Variants in CDH6 observed in about 807,000 individuals in gnomAD.
The protein encoded by CDH6 is cadherin 6, also known as cadherin-6.
In CDH6, 31 loss-of-function variants were observed where a neutral mutation model predicts 78.0. That is an observed-to-expected ratio of 0.40 (90% CI 0.30 to 0.54). The LOEUF is 0.54. Ranked by LOEUF, CDH6 falls within the 20% of genes least tolerant of loss-of-function variation. CDH6 has a pLI of 0.56. For missense variants in CDH6, 724 were observed against 975.9 expected, an observed-to-expected ratio of 0.74 and a Z score of 3.44; for synonymous variants, 376 against 368.8, an observed-to-expected ratio of 1.02 and a Z score of -0.23.
At chr5:31,305,561 T>G (rs1737968892) in intron 7 of CDH6, 134 bp downstream of exon 7, 1 of 868,528 alleles carries the variant, frequency 1.2e-6, no homozygotes, top group African/African-American at 1.7e-5. Flanking sequence ...AAAACTATTC[T>G]AAACAGCACC....
intron 1 of CDH6, among the ~76,000 whole-genome samples, chr5:31,207,609 C>T (rs1046330891): frequency 6.6e-6 from 1 of 152,188 alleles, no homozygotes; most frequent in Admixed American, 6.5e-5. Context: ...AAAACAAAGC[C>T]ACTGAGTCTT....
chr5:31,283,790 G>GA (rs1742931271), intron 2 of CDH6, among the ~76,000 whole-genome samples: 2 of 151,662 alleles, frequency 1.3e-5, no homozygotes, highest in South Asian at 4.2e-4. Flanking sequence ...GGTTTTGTCA[G>GA]AAAAATAGAT....
chr5:31,224,291 G>A (rs1284478833), intron 1 of CDH6, among the ~76,000 whole-genome samples: 1 of 152,078 alleles, frequency 6.6e-6, no homozygotes, highest in Non-Finnish European at 1.5e-5. Flanking sequence ...CGTGAGAAGA[G>A]CACAAGAAAT....
chr5:31,247,318 G>A (rs1250199903), intron 1 of CDH6, among the ~76,000 whole-genome samples: 1 of 152,164 alleles, frequency 6.6e-6, no homozygotes, highest in Non-Finnish European at 1.5e-5. Context: ...TCAGTTTAGA[G>A]GAGAAGAAGC....
intron 1 of CDH6, among the ~76,000 whole-genome samples, chr5:31,220,338 T>C (rs990099218): frequency 6.6e-6 from 1 of 152,222 alleles, no homozygotes; most frequent in African/African-American, 2.4e-5. Context: ...CTAAATCCAC[T>C]TAAAAGTGTT....
intron 1 of CDH6, among the ~76,000 whole-genome samples, chr5:31,216,128 T>C (rs1162520860): frequency 6.7e-6 from 1 of 148,976 alleles, no homozygotes; most frequent in Non-Finnish European, 1.5e-5. Context: ...GAACTTAAAA[T>C]ACATCTGACT....
chr5:31,199,423 TACACACATATGTGTATATATACAC>T (rs1740261560), intron 1 of CDH6, among the ~76,000 whole-genome samples: 1 of 127,598 alleles, frequency 7.8e-6, no homozygotes, highest in Non-Finnish European at 1.7e-5. Context: ...TGTATATATG[TACACACATATGTGTATATATACAC>T]ACACATATGT....
chr5:31,298,925 A>G (rs1737679795), intron 4 of CDH6, among the ~76,000 whole-genome samples: 1 of 152,144 alleles, frequency 6.6e-6, no homozygotes, highest in African/African-American at 2.4e-5. Flanking sequence ...TTTTCTAAAG[A>G]CCATAGTTTT....
intron 1 of CDH6, among the ~76,000 whole-genome samples, chr5:31,256,820 G>A (rs1742068442): frequency 6.6e-6 from 1 of 152,094 alleles, no homozygotes; most frequent in Non-Finnish European, 1.5e-5. Context: ...TAAACTGGCC[G>A]CCTCTGTGTT....
chr5:31,302,908 A>AAAG lies in CDH6; in HGVS notation c.999+613_999+615dup, dbSNP rs1737844413. ...GAAGGAAAGAAAGAAAGAAAAAAAG[A>AAAG]AAGAAAGAAAGAAAGAAAGAAAGAA... On this transcript the variant is annotated intron_variant, in intron 6 of 11. Transcript: ENST00000265071. Among the ~76,000 whole-genome samples, 5 of 91,634 alleles carry AAAG rather than the reference A, an allele frequency of 5.5e-5. 1 individual carries two copies. The East Asian group carries it at 1.9e-3, about 35-fold the overall frequency. The allele number at this position is 91,634 out of a possible 152,430, so 60.1% of individuals were successfully genotyped here.
At chr5:31,195,768 T>C (rs1304152608) in intron 1 of CDH6, among the ~76,000 whole-genome samples, 3 of 152,204 alleles carry the variant, frequency 2.0e-5, no homozygotes, top group Non-Finnish European at 2.9e-5. Flanking sequence ...CCTTTTGCTC[T>C]TTGATGTGTT....
chr5:31,212,907 C>G (rs1740755492), intron 1 of CDH6, among the ~76,000 whole-genome samples: 1 of 152,156 alleles, frequency 6.6e-6, no homozygotes, highest in Non-Finnish European at 1.5e-5. Flanking sequence ...GGACACCTTC[C>G]TTTGCTATTC....
intron 1 of CDH6, among the ~76,000 whole-genome samples, chr5:31,231,640 C>T (rs950058613): frequency 6.6e-6 from 1 of 152,212 alleles, no homozygotes; most frequent in Non-Finnish European, 1.5e-5. Context: ...AGTGTGCTAG[C>T]TCAGATCTTT....
At chr5:31,242,384 A>T (rs562074780) in intron 1 of CDH6, among the ~76,000 whole-genome samples, 3 of 152,158 alleles carry the variant, frequency 2.0e-5, no homozygotes, top group African/African-American at 7.2e-5. Flanking sequence ...TTGTCTCTCA[A>T]CTCTTGCTGG....
intron 1 of CDH6, among the ~76,000 whole-genome samples, chr5:31,198,127 T>C (rs529933065): frequency 4.9e-4 from 75 of 152,320 alleles, no homozygotes; most frequent in African/African-American, 1.7e-3. Flanking sequence ...AACAGTCTAG[T>C]TGTTCAAAAT....
rs147990980 is a variant in CDH6, at chr5:31,328,292, G to A, written c.*4984G>A. The A allele has an allele frequency of 1.6e-5, 3 of 191,296 alleles. No homozygotes were observed. Among genetic ancestry groups the A allele is most frequent in the Admixed American group, 6.3e-5 (1 of 15,836 alleles). 11.8% of individuals were successfully genotyped at this position (191,296 alleles called of 1,614,324 possible). A position where few individuals can be genotyped will look rare whatever the true frequency, so the allele number is the denominator to read the frequency against. On this transcript the variant is annotated 3_prime_UTR_variant, in exon 12 of 12. Coordinates refer to ENST00000265071, the MANE Select transcript of CDH6 (RefSeq NM_004932.4). The stretch of plus-strand genomic sequence containing the variant: ...CAGCCTTGTGGAAAAAGCATTCCAC[G>A]CTAATGAGATCTTGGTCTTTCTTGT...
At chr5:31,318,290 T>G in intron 11 of CDH6, 1 of 477,246 alleles carries the variant, frequency 2.1e-6, no homozygotes, top group Non-Finnish European at 3.7e-6. Flanking sequence ...ATGGAGTGTA[T>G]GATGAGGGCC....
chr5:31,245,634 T>C (rs1465582741), intron 1 of CDH6, among the ~76,000 whole-genome samples: 2 of 152,216 alleles, frequency 1.3e-5, no homozygotes, highest in African/African-American at 4.8e-5. Context: ...TGGCAGAAAG[T>C]TGAAAACTAA....
intron 8 of CDH6, 106 bp from the exon 9 acceptor site, chr5:31,316,102 G>A: frequency 1.6e-6 from 2 of 1,218,042 alleles, no homozygotes; most frequent in Non-Finnish European, 1.1e-6. Flanking sequence ...CAGCAGCTTG[G>A]GGAATCTGTG....
Sources: gnomAD v4.1 joint callset for allele counts (sites outside exome capture counted in the v4.1 genomes callset) on GRCh38, gnomAD v4.1.1 for gene constraint, MANE v1.5 for transcripts, NCBI Gene and HGNC (gene_info 2026-07-23, HGNC 2026-07-21) for gene names.